CPNE1: variants seen among roughly 807,000 people sequenced by gnomAD.
CPNE1 encodes the protein copine-1.
In CPNE1, 58 loss-of-function variants were observed where a neutral mutation model predicts 63.2. The ratio of observed to expected loss-of-function variants is 0.92; its 90% CI spans 0.74 to 1.14. The LOEUF is 1.14. CPNE1 is among the 50% of genes most tolerant of loss of function. The pLI is 0.00. For missense variants in CPNE1, 672 were observed against 661.7 expected (o/e 1.02, Z -0.17); for synonymous variants, 237 against 249.0 (o/e 0.95, Z 0.45).
Position 35,660,873 on chromosome 20 carries a change from A to G in CPNE1, c.-1+3887T>C, listed in dbSNP as rs961565438. Among the ~76,000 whole-genome samples, 6 of 152,196 alleles carry G rather than the reference A, an allele frequency of 3.9e-5. No homozygotes were observed. The East Asian group carries it at 5.8e-4, about 15-fold the overall frequency. ...ACCGTATGTCTATCTTGAGAAGGAC[A>G]TATCTGGGGTCAGCCAGTTAAGCTC... On this transcript the variant is annotated intron_variant, in intron 1 of 15. Transcript: ENST00000397443.
At chr20:35,632,068 ACCATTATG>A in intron 5 of CPNE1, 43 bp from the exon 6 acceptor site, 2 of 1,606,538 alleles carry the variant, frequency 1.2e-6, no homozygotes, top group Non-Finnish European at 1.7e-6. Flanking sequence ...GGAACAAACA[ACCATTATG>A]CCATCCCTCT....
chr20:35,635,401 C>G (rs1174730913), intron 1 of CPNE1, among the ~76,000 whole-genome samples: 4 of 152,096 alleles, frequency 2.6e-5, no homozygotes, highest in Non-Finnish European at 1.5e-5. Flanking sequence ...AGAATGAAAT[C>G]TGAAAGTTCA....
Position 35,632,317 on chromosome 20 carries a change from G to T in CPNE1, c.378C>A (p.Thr126=). The T allele has an allele frequency of 6.2e-7, 1 of 1,614,046 alleles. No homozygotes were observed. The highest frequency in any genetic ancestry group is 8.5e-7 in the Non-Finnish European group (1 of 1,179,952). Residue 126 remains threonine, a synonymous_variant, in exon 4 of 16, where the codon ACC becomes ACA. Transcript: ENST00000397443. ...CCCTTGCTGGGTTCCTTACCGTGAT[G>T]GTCCCCCGCCCAGCAGGTTTTCCAG... The part of the protein sequence containing the change: ...LKPGKPAGRG[T]ITVSAQELKD...
At chr20:35,638,183 CTG>C (rs2032595751) in intron 1 of CPNE1, among the ~76,000 whole-genome samples, 1 of 152,132 alleles carries the variant, frequency 6.6e-6, no homozygotes, top group Non-Finnish European at 1.5e-5. Context: ...TAACCATTTG[CTG>C]AACAAATGGT....
At chr20:35,643,935 G>A (rs1647473105) in intron 1 of CPNE1, among the ~76,000 whole-genome samples, 2 of 152,144 alleles carry the variant, frequency 1.3e-5, no homozygotes, top group Admixed American at 1.3e-4. Context: ...TAAAAGTCAG[G>A]GAGGGGCTGG....
At chr20:35,658,111 T>A (rs2034011619) in intron 1 of CPNE1, among the ~76,000 whole-genome samples, 1 of 152,174 alleles carries the variant, frequency 6.6e-6, no homozygotes, top group South Asian at 2.1e-4. Flanking sequence ...TATCTGCTTT[T>A]CTGTTACTAA....
chr20:35,642,422 GCCTAC>G (rs1202095133), intron 1 of CPNE1, among the ~76,000 whole-genome samples: 2 of 152,290 alleles, frequency 1.3e-5, no homozygotes, highest in Non-Finnish European at 1.5e-5. Context: ...CACTCCTATT[GCCTAC>G]CTTGGCATGC....
intron 1 of CPNE1, among the ~76,000 whole-genome samples, chr20:35,648,040 G>C (rs1164928184): frequency 6.6e-6 from 1 of 150,700 alleles, no homozygotes; most frequent in African/African-American, 2.5e-5. Flanking sequence ...ACTCCAGCCT[G>C]GGCAACAGAT....
Position 35,632,127 on chromosome 20 carries a change from A to T in CPNE1, c.456+36T>A, listed in dbSNP as rs568805249. The T allele has an allele frequency of 3.1e-6, 5 of 1,609,260 alleles. No homozygotes were observed. The African/African-American group carries it at 5.3e-5, about 17-fold the overall frequency. On this transcript the variant is annotated intron_variant, in intron 5 of 15. Transcript: ENST00000397443. ...CCCCATACACCATCCTTGGCCCCTTAACTCTTGGATTACCAGGGCCTACTT... is the reference window on the plus strand; with the variant it reads ...CCCCATACACCATCCTTGGCCCCTTTACTCTTGGATTACCAGGGCCTACTT...
chr20:35,656,518 C>G (rs945516442), intron 1 of CPNE1, among the ~76,000 whole-genome samples: 1 of 152,166 alleles, frequency 6.6e-6, no homozygotes, highest in Admixed American at 6.6e-5. Context: ...TCCAACCCAT[C>G]TGAAAAGTCA....
At chr20:35,631,799 T>G (rs746707554) in intron 6 of CPNE1, 22 bp from the exon 7 acceptor site, 4 of 1,601,296 alleles carry the variant, frequency 2.5e-6, no homozygotes, top group Non-Finnish European at 3.4e-6. Context: ...GGCCAAGGCC[T>G]CCAGTGAGCT....
At chr20:35,627,532 C>T in intron 13 of CPNE1, 119 bp from the exon 14 acceptor site, 1 of 996,176 alleles carries the variant, frequency 1.0e-6, no homozygotes, top group Non-Finnish European at 1.4e-6. Context: ...CATTCATTCA[C>T]CCTTGTAAAC....
In CPNE1 at chr20:35,626,254, G is replaced by A. The variant is rs776135002; in HGVS notation, c.1601C>T (p.Ala534Val). 7 of 1,614,056 alleles carry A rather than the reference G, an allele frequency of 4.3e-6. No homozygotes were observed. The South Asian group carries it at 6.6e-5, about 15-fold the overall frequency. Residue 534 changes from alanine to valine, a missense_variant, in exon 16 of 16, where the codon GCC becomes GTC. Transcript: ENST00000397443. ...LPPSAKDPAQ[A>V]PQA ...CTCCAAGGGAACCTAGGCCTGGGGGGCCTGTGCAGGATCCTTGGCTGAGGG... is the reference window on the plus strand; with the variant it reads ...CTCCAAGGGAACCTAGGCCTGGGGGACCTGTGCAGGATCCTTGGCTGAGGG...
chr20:35,657,841 A>G (rs1001271224), intron 1 of CPNE1, among the ~76,000 whole-genome samples: 3 of 152,090 alleles, frequency 2.0e-5, no homozygotes, highest in Non-Finnish European at 2.9e-5. Context: ...TGGGTGGATC[A>G]CCCGAGGTCA....
In CPNE1 at chr20:35,632,941, G is replaced by C; in HGVS notation, c.1-18C>G. The C allele has an allele frequency of 2.3e-6, 2 of 866,626 alleles. No homozygotes were observed. The highest frequency in any genetic ancestry group is 2.7e-5 in the South Asian group (2 of 75,362). The allele number at this position is 866,626 out of a possible 1,614,324, so 53.7% of individuals were successfully genotyped here. On this transcript the variant is annotated intron_variant, in intron 1 of 15. Coordinates refer to ENST00000397443, the MANE Select transcript of CPNE1 (RefSeq NM_152925.3). The stretch of plus-strand genomic sequence containing the variant: ...TGGGCCATCTGAGGGAAAAGGAGCT[G>C]GGTCAAGCACCAGGGAGCCTTCTCT...
At chr20:35,637,678 G>A (rs1158423960) in intron 1 of CPNE1, among the ~76,000 whole-genome samples, 1 of 152,126 alleles carries the variant, frequency 6.6e-6, no homozygotes, top group African/African-American at 2.4e-5. Flanking sequence ...ACATTTCTGG[G>A]TTTATTAGCC....
chr20:35,652,542 T>C, intron 1 of CPNE1: 2 of 1,611,036 alleles, frequency 1.2e-6, no homozygotes, highest in South Asian at 1.1e-5. Flanking sequence ...ATACAAGTTT[T>C]ACTTTTCTTG....
intron 12 of CPNE1, 44 bp downstream of exon 12, chr20:35,630,696 AC>A: frequency 6.2e-7 from 1 of 1,603,366 alleles, no homozygotes; most frequent in Non-Finnish European, 8.5e-7. Flanking sequence ...CAAAATCAGG[AC>A]CCTGAAACTG....
chr20:35,651,475 ATCT>A (rs1343591568), intron 1 of CPNE1: 4 of 152,238 alleles, frequency 2.6e-5, no homozygotes, highest in African/African-American at 9.6e-5. Context: ...CAGCATACGG[ATCT>A]TTTATTCTAT....
Sources: allele counts gnomAD v4.1 joint callset (sites outside exome capture counted in the v4.1 genomes callset), GRCh38; gene constraint gnomAD v4.1.1; transcripts MANE v1.5; gene names NCBI Gene and HGNC (gene_info 2026-07-23, HGNC 2026-07-21).